The following SH3PXD2A variants were observed in gnomAD, a reference collection of about 807,000 sequenced individuals.
The protein encoded by SH3PXD2A is SH3 and PX domains 2A.
SH3PXD2A carries 32 observed loss-of-function variants against 115.2 expected under a neutral mutation model. That is an observed-to-expected ratio of 0.28 (90% CI 0.21 to 0.37). The LOEUF (loss-of-function observed/expected upper bound fraction) is 0.37. Among genes scored for constraint, SH3PXD2A ranks in the 10% least tolerant of loss-of-function variants. SH3PXD2A has a pLI of 1.00. For missense variants in SH3PXD2A, 1,328 were observed against 1,498.7 expected (o/e 0.89, Z 1.88); for synonymous variants, 610 against 629.1 (o/e 0.97, Z 0.45).
At chr10:103,609,186 A>G (rs2036387140) in intron 13 of SH3PXD2A, 1 of 152,332 alleles carries the variant, frequency 6.6e-6, no homozygotes, top group Non-Finnish European at 1.5e-5. Context: ...AAAGAAAGAA[A>G]AAGCAGAGAA....
Position 103,603,355 on chromosome 10 carries a change from C to T in SH3PXD2A, c.1863G>A (p.Glu621=), listed in dbSNP as rs1160107602. ...CTGCATATGGCCGGAAGCCCTCATT[C>T]TCATAGATGGTCTCCTCTTCCAGGG... ...DVALEEETIY[E]NEGFRPYAED... is the part of the protein sequence containing the mutation. Residue 621 remains glutamate, a synonymous_variant, in exon 15 of 15, where the codon GAG becomes GAA. Coordinates refer to ENST00000369774, the MANE Select transcript of SH3PXD2A (RefSeq NM_001394015.1). 1.9e-6 allele frequency: 3 copies of T among 1,614,078 alleles called. No homozygotes were observed. The highest frequency in any genetic ancestry group is 2.5e-6 in the Non-Finnish European group (3 of 1,180,042).
chr10:103,664,308 A>T (rs2037354673), intron 7 of SH3PXD2A, among the ~76,000 whole-genome samples: 1 of 152,222 alleles, frequency 6.6e-6, no homozygotes, highest in African/African-American at 2.4e-5. Flanking sequence ...AGGCCTGAGT[A>T]TGGCCAGATC....
chr10:103,624,035 G>T (rs1194841215), intron 9 of SH3PXD2A, among the ~76,000 whole-genome samples: 1 of 152,234 alleles, frequency 6.6e-6, no homozygotes, highest in Non-Finnish European at 1.5e-5. Flanking sequence ...CTTACAAATG[G>T]GGAGACAGAG....
intron 2 of SH3PXD2A, among the ~76,000 whole-genome samples, chr10:103,777,124 C>G (rs2134236842): frequency 6.6e-6 from 1 of 152,344 alleles, no homozygotes; most frequent in African/African-American, 2.4e-5. Context: ...GGAACAGGGA[C>G]AAAACCTGAC....
In SH3PXD2A at chr10:103,600,719, C is replaced by G. The variant is rs28620581; in HGVS notation, c.*1097G>C. 2 of 152,238 alleles carry G rather than the reference C, an allele frequency of 1.3e-5. No homozygotes were observed. The highest frequency in any genetic ancestry group is 2.9e-5 in the Non-Finnish European group (2 of 68,048). 9.4% of individuals were successfully genotyped at this position (152,238 alleles called of 1,614,324 possible). On this transcript the variant is annotated 3_prime_UTR_variant, in exon 15 of 15. Transcript: ENST00000369774. ...TTCTCTGCTTCACCATGTCTGCAAC[C>G]TGGGGCTTGCCTAGCCCCAAATTTT...
chr10:103,731,888 C>A (rs1203534923), intron 4 of SH3PXD2A, among the ~76,000 whole-genome samples: 1 of 152,126 alleles, frequency 6.6e-6, no homozygotes, highest in African/African-American at 2.4e-5. Flanking sequence ...GGGATCCTTA[C>A]CCTTCAGTGC....
chr10:103,807,278 G>GCT (rs1377078538), intron 1 of SH3PXD2A, among the ~76,000 whole-genome samples: 1 of 152,200 alleles, frequency 6.6e-6, no homozygotes, highest in African/African-American at 2.4e-5. Context: ...ATTAGAAAGT[G>GCT]CTGGTAAGTA....
intron 6 of SH3PXD2A, among the ~76,000 whole-genome samples, chr10:103,691,566 C>A (rs2037752131): frequency 6.6e-6 from 1 of 152,126 alleles, no homozygotes; most frequent in South Asian, 2.1e-4. Context: ...TCCCCAGGCT[C>A]ACCCCACGGT....
chr10:103,710,843 C>T (rs553809006), intron 5 of SH3PXD2A, among the ~76,000 whole-genome samples: 5 of 151,990 alleles, frequency 3.3e-5, no homozygotes, highest in South Asian at 4.2e-4. Flanking sequence ...CAAGACCAGC[C>T]TCAACAACAT....
At chr10:103,668,577 C>G in intron 7 of SH3PXD2A, 31 bp downstream of exon 7, 1 of 1,544,406 alleles carries the variant, frequency 6.5e-7, no homozygotes, top group Non-Finnish European at 8.8e-7. Context: ...AACACACATG[C>G]TCACACACAT....
intron 9 of SH3PXD2A, among the ~76,000 whole-genome samples, chr10:103,623,937 G>A (rs759647173): frequency 1.3e-5 from 2 of 152,204 alleles, no homozygotes; most frequent in African/African-American, 2.4e-5. Context: ...TGTTGATGTC[G>A]GCATTTACTC....
At chr10:103,618,370 A>G (rs990584325) in intron 10 of SH3PXD2A, among the ~76,000 whole-genome samples, 1 of 152,202 alleles carries the variant, frequency 6.6e-6, no homozygotes, top group Non-Finnish European at 1.5e-5. Flanking sequence ...AGCCCCTGAT[A>G]GGTAGACCCC....
chr10:103,660,979 T>G lies in SH3PXD2A; in HGVS notation c.604+4A>C. 1 of 1,613,730 alleles carries G rather than the reference T, an allele frequency of 6.2e-7. No individual in the cohort carries two copies. The highest frequency in any genetic ancestry group is 8.5e-7 in the Non-Finnish European group (1 of 1,179,852). Reference sequence around the variant, plus strand: ...AGTGGACGGCCATTGGCCAGGGCACTCACCGCTCTCGTTCTTCTCGATGAC... The same window carrying G: ...AGTGGACGGCCATTGGCCAGGGCACGCACCGCTCTCGTTCTTCTCGATGAC... On this transcript the variant is annotated splice_donor_region_variant and intron_variant, in intron 8 of 14. Coordinates refer to ENST00000369774, the MANE Select transcript of SH3PXD2A (RefSeq NM_001394015.1).
At chr10:103,727,984 C>T (rs1192457878) in intron 4 of SH3PXD2A, among the ~76,000 whole-genome samples, 1 of 152,266 alleles carries the variant, frequency 6.6e-6, no homozygotes, top group Non-Finnish European at 1.5e-5. Flanking sequence ...CCCCCAAGCC[C>T]AGCCGTTGTG....
chr10:103,815,486 C>T (rs895794159), intron 1 of SH3PXD2A, among the ~76,000 whole-genome samples: 24 of 148,268 alleles, frequency 1.6e-4, no homozygotes, highest in African/African-American at 5.4e-4. Flanking sequence ...ATATAATATA[C>T]ACACACACAC....
intron 5 of SH3PXD2A, among the ~76,000 whole-genome samples, chr10:103,694,848 C>A (rs1200155805): frequency 1.3e-5 from 2 of 152,114 alleles, no homozygotes; most frequent in Non-Finnish European, 2.9e-5. Context: ...CTTCCATTTG[C>A]CCCCTCCCCT....
chr10:103,851,276 G>A (rs1842894548), intron 1 of SH3PXD2A, among the ~76,000 whole-genome samples: 1 of 152,116 alleles, frequency 6.6e-6, no homozygotes, highest in South Asian at 2.1e-4. Flanking sequence ...ATGTCCACAA[G>A]GTCAACCCTT....
chr10:103,800,568 C>T (rs912288558), intron 2 of SH3PXD2A, among the ~76,000 whole-genome samples: 24 of 152,168 alleles, frequency 1.6e-4, no homozygotes, highest in African/African-American at 9.7e-5. Context: ...ACCATGTGGT[C>T]GGCTGCACAA....
chr10:103,649,902 G>C (rs1446160626), intron 8 of SH3PXD2A, among the ~76,000 whole-genome samples: 1 of 152,178 alleles, frequency 6.6e-6, no homozygotes, highest in Non-Finnish European at 1.5e-5. Flanking sequence ...TGGACCTGAG[G>C]GGGGACTCAG....
Sources: allele counts gnomAD v4.1 joint callset (sites outside exome capture counted in the v4.1 genomes callset), GRCh38; gene constraint gnomAD v4.1.1; transcripts MANE v1.5; gene names NCBI Gene and HGNC (gene_info 2026-07-23, HGNC 2026-07-21).